Variants in SH3D19 observed in about 807,000 individuals in gnomAD.
SH3D19 encodes the protein SH3 domain containing 19, also known as SH3 domain-containing protein 19.
In SH3D19, 58 loss-of-function variants were observed where a neutral mutation model predicts 112.1. That is an observed-to-expected ratio of 0.52 (90% CI 0.42 to 0.64). SH3D19 has a LOEUF of 0.64. Ranked by LOEUF, SH3D19 falls within the 30% of genes least tolerant of loss-of-function variation. The pLI, the probability that SH3D19 is intolerant of heterozygous loss-of-function variation, is 0.00. For synonymous variants in SH3D19, 391 were observed against 448.5 expected (o/e 0.87, Z 1.62); for missense variants, 1,090 against 1,263.4 (o/e 0.86, Z 2.08).
chr4:151,132,814 T>G (rs905916476), intron 16 of SH3D19, among the ~76,000 whole-genome samples: 13 of 152,304 alleles, frequency 8.5e-5, no homozygotes, highest in African/African-American at 2.9e-4. Context: ...TTGCCATTTC[T>G]TATATGAAGC....
chr4:151,291,240 C>T (rs1775308951), intron 1 of SH3D19: 1 of 1,613,816 alleles, frequency 6.2e-7, no homozygotes, highest in Non-Finnish European at 8.5e-7. Flanking sequence ...TAATCTACTA[C>T]CAAAAATGGA....
rs761529111 is a variant in SH3D19, at chr4:151,165,551, C to G, written c.1642+38G>C. The G allele has an allele frequency of 6.7e-6, 10 of 1,485,722 alleles. No homozygotes were observed. In the East Asian group the frequency reaches 1.8e-4, roughly 27 times the overall value. The allele number at this position is 1,485,722 out of a possible 1,614,324, so 92.0% of individuals were successfully genotyped here. ...AATTAGCATATATTTCTCCCAGCCT[C>G]TTGAAGAAGCTAATAAAGAAAGCAG... On this transcript the variant is annotated intron_variant, in intron 8 of 19. Transcript: ENST00000604030.
intron 2 of SH3D19, among the ~76,000 whole-genome samples, chr4:151,193,734 T>C (rs906512480): frequency 3.3e-5 from 5 of 152,158 alleles, no homozygotes; most frequent in African/African-American, 9.7e-5. Context: ...ACCTAAGAAA[T>C]GTAGCATTTA....
chr4:151,218,812 C>T (rs1391833881), intron 2 of SH3D19, among the ~76,000 whole-genome samples: 2 of 152,064 alleles, frequency 1.3e-5, no homozygotes, highest in African/African-American at 4.8e-5. Context: ...TGTGTTTTGC[C>T]ATGTGGTCCC....
At position 151,128,322 on chromosome 4, in the gene SH3D19, A is replaced by G. The variant is rs765891483; in HGVS notation, c.2777T>C (p.Leu926Pro). Reference protein sequence around the residue: ...NSLPAEWCEALHSFTAETSDD... With the variant: ...NSLPAEWCEAPHSFTAETSDD... Reference sequence around the variant, plus strand: ...ACTGGTCTCTGCTGTAAAACTGTGAAGAGCTTCACACCATTCTGCCGGAAG... The same window carrying G: ...ACTGGTCTCTGCTGTAAAACTGTGAGGAGCTTCACACCATTCTGCCGGAAG... Residue 926 changes from leucine (L) to proline (P), a missense_variant, in exon 18 of 20, where the codon CTT (leucine) becomes CCT (proline). Transcript: ENST00000604030. The G allele has an allele frequency of 6.2e-7, 1 of 1,613,900 alleles. No individual in the cohort carries two copies. The highest frequency in any genetic ancestry group is 1.3e-5 in the African/African-American group (1 of 74,926).
At chr4:151,279,901 G>A (rs36097019) in intron 1 of SH3D19, 679,804 of 1,613,304 alleles carry the variant, frequency 0.42, 146,765 homozygotes, top group Admixed American at 0.48. Flanking sequence ...AACTTTATCT[G>A]TGGAGGTTCC....
At chr4:151,224,605 G>A (rs1768685473) in intron 2 of SH3D19, among the ~76,000 whole-genome samples, 2 of 152,124 alleles carry the variant, frequency 1.3e-5, no homozygotes, top group African/African-American at 4.8e-5. Context: ...AATGTCAAAG[G>A]TCTTGGGGAT....
At chr4:151,151,468 TC>T (rs1397810007) in intron 9 of SH3D19, among the ~76,000 whole-genome samples, 2 of 152,148 alleles carry the variant, frequency 1.3e-5, no homozygotes, top group Admixed American at 1.3e-4. Flanking sequence ...TTTTTCTCCT[TC>T]TTATAAATGA....
Position 151,175,022 on chromosome 4 carries a change from A to T in SH3D19, c.1182T>A (p.Ser394Arg), listed in dbSNP as rs1561282948. 6.2e-7 allele frequency: 1 copy of T among 1,614,186 alleles called. No individual in the cohort carries two copies. Among genetic ancestry groups the T allele is most frequent in the South Asian group, 1.1e-5 (1 of 91,074 alleles). Residue 394 changes from serine to arginine, a missense_variant, in exon 7 of 20, where the codon AGT (serine) becomes AGA (arginine). Physicochemically the swap from Ser to Arg is moderately radical, Grantham distance 110. Coordinates refer to ENST00000604030, the MANE Select transcript of SH3D19 (RefSeq NM_001378122.1). The stretch of plus-strand genomic sequence containing the variant: ...CTCTTCCCGGAATCTCAGGATTAAC[A>T]CTTCGTATAAGGCCAGGGTTTGGTT... Reference protein sequence around the residue: ...PKKPNPGLIRSVNPEIPGRGP... With the variant: ...PKKPNPGLIRRVNPEIPGRGP...
At chr4:151,195,118 C>T (rs1456733849) in intron 2 of SH3D19, among the ~76,000 whole-genome samples, 1 of 148,584 alleles carries the variant, frequency 6.7e-6, no homozygotes, top group Non-Finnish European at 1.5e-5. Context: ...TGCCTATATT[C>T]CCAGTGCTTT....
intron 1 of SH3D19, among the ~76,000 whole-genome samples, chr4:151,300,208 A>C (rs1243073359): frequency 3.9e-5 from 6 of 152,172 alleles, no homozygotes; most frequent in Admixed American, 1.3e-4. Context: ...TCTCAAAAAA[A>C]AAAAATGTCA....
intron 2 of SH3D19, among the ~76,000 whole-genome samples, chr4:151,214,441 G>A (rs1376456702): frequency 2.8e-4 from 5 of 17,838 alleles, no homozygotes; most frequent in East Asian, 5.0e-3. Context: ...CCCGGACGAG[G>A]CTGCTGGCCG....
At chr4:151,157,483 T>C (rs1435146004) in intron 9 of SH3D19, among the ~76,000 whole-genome samples, 1 of 150,204 alleles carries the variant, frequency 6.7e-6, no homozygotes, top group Non-Finnish European at 1.5e-5. Flanking sequence ...TCTTATACAC[T>C]GTTAGTGGGG....
chr4:151,323,686 T>C lies in SH3D19; in HGVS notation c.112+1555A>G, dbSNP rs148724962. Among the ~76,000 whole-genome samples the C allele has an allele frequency of 8.5e-5, 13 of 152,318 alleles. No individual in the cohort carries two copies. The East Asian group carries it at 2.5e-3, about 29-fold the overall frequency. On this transcript the variant is annotated intron_variant, in intron 1 of 19. Transcript: ENST00000604030. ...ACAATGTCATGTCTCAGCAAAATAT[T>C]ATCAAAGAACCTAGAAAAGCCTTTG...
In SH3D19 at chr4:151,283,392, T is replaced by G. The variant is rs566964594; in HGVS notation, c.112+41849A>C. On this transcript the variant is annotated intron_variant, in intron 1 of 19. Coordinates refer to ENST00000604030, the MANE Select transcript of SH3D19 (RefSeq NM_001378122.1). The stretch of plus-strand genomic sequence containing the variant: ...TGGATTGGGAGTCAGGAGATGAGGG[T>G]TCTAAGAATAACTCTTATGTTACCC... 2.7e-5 allele frequency: 26 copies of G among 961,282 alleles called. No individual in the cohort carries two copies. In the Admixed American group the frequency reaches 5.5e-4, roughly 20 times the overall value. The allele number at this position is 961,282 out of a possible 1,614,324, so 59.5% of individuals were successfully genotyped here. A position where few individuals can be genotyped will look rare whatever the true frequency, so the allele number is the denominator to read the frequency against.
chr4:151,120,497 T>C lies in SH3D19; in HGVS notation c.*1594A>G, dbSNP rs962914863. ...TCCTTCCTGCTGTTGTACAGTTTGC[T>C]GCAAATGATAATTTAATTTGGATAA... is the stretch of plus-strand genomic sequence containing the variant. On this transcript the variant is annotated 3_prime_UTR_variant, in exon 20 of 20. Coordinates refer to ENST00000604030, the MANE Select transcript of SH3D19 (RefSeq NM_001378122.1). The C allele has an allele frequency of 6.6e-6, 1 of 152,376 alleles. No homozygotes were observed. Among genetic ancestry groups the C allele is most frequent in the Non-Finnish European group, 1.5e-5 (1 of 68,042 alleles). 9.4% of individuals were successfully genotyped at this position (152,376 alleles called of 1,614,324 possible). A position where few individuals can be genotyped will look rare whatever the true frequency, so the allele number is the denominator to read the frequency against.
chr4:151,277,123 A>T (rs771031696), intron 1 of SH3D19: 40 of 1,329,082 alleles, frequency 3.0e-5, no homozygotes, highest in Non-Finnish European at 3.7e-5. Flanking sequence ...TCTTCCTGGG[A>T]GCCTGAGTCC....
At chr4:151,211,234 C>A (rs1354818443) in intron 2 of SH3D19, among the ~76,000 whole-genome samples, 1 of 150,474 alleles carries the variant, frequency 6.6e-6, no homozygotes, top group Non-Finnish European at 1.5e-5. Context: ...TGTGCCATTG[C>A]ACTCCAGCCT....
At chr4:151,283,348 T>C in intron 1 of SH3D19, 1 of 1,510,804 alleles carries the variant, frequency 6.6e-7, no homozygotes, top group South Asian at 1.2e-5. Context: ...ATCCAGGTTT[T>C]CCTATCTGTA....
Sources: allele counts gnomAD v4.1 joint callset (sites outside exome capture counted in the v4.1 genomes callset), GRCh38; gene constraint gnomAD v4.1.1; transcripts MANE v1.5; gene names NCBI Gene and HGNC (gene_info 2026-07-23, HGNC 2026-07-21).